The following KRT86 variants were observed in gnomAD, a reference collection of about 807,000 sequenced individuals.
KRT86 encodes the protein keratin, type II cuticular Hb6.
Under a neutral mutation model 41.2 loss-of-function variants are expected in KRT86, and 30 were observed. That is an observed-to-expected ratio of 0.73 (90% CI 0.54 to 0.99). KRT86 has a LOEUF of 0.99. Ranked by LOEUF, KRT86 falls within the 50% of genes least tolerant of loss-of-function variation. The pLI is 0.00. For synonymous variants in KRT86, 238 were observed against 238.1 expected (o/e 1.00, Z 0.00); for missense variants, 561 against 571.4 (o/e 0.98, Z 0.19).
chr12:52,297,321 G>C (rs1763674830), intron 2 of KRT86, among the ~76,000 whole-genome samples: 1 of 152,156 alleles, frequency 6.6e-6, no homozygotes, highest in Non-Finnish European at 1.5e-5. Context: ...CATGAATTTG[G>C]ATATGCTCTA....
At position 52,288,011 on chromosome 12, in the gene KRT86, G is replaced by C. The variant is rs200239075; in HGVS notation, c.-5+12065G>C. On this transcript the variant is annotated intron_variant, in intron 2 of 10. Transcript: ENST00000423955. The stretch of plus-strand genomic sequence containing the variant: ...TGCTGCGGTACCAGGACTCGGCCTC[G>C]GCCCGGCTGCGGGTGACAATGTCGT... 128 of 1,614,204 alleles carry C rather than the reference G, an allele frequency of 7.9e-5. 2 individuals carry two copies. In the Admixed American group the frequency reaches 2.0e-3, roughly 26 times the overall value.
chr12:52,305,561 T>C (rs1592439450), intron 7 of KRT86, 102 bp from the exon 8 acceptor site: 19 of 1,605,226 alleles, frequency 1.2e-5, no homozygotes, highest in East Asian at 2.2e-5. Flanking sequence ...CCATGTGTGG[T>C]TGCACAGGCT....
rs1246387181 is a variant in KRT86, at chr12:52,305,023, A to T, written c.731A>T (p.Glu244Val). The change falls in exon 6 of 11, where the codon GAG becomes GTG. Residue 244 changes from glutamate to valine, a missense_variant. Glu to Val is a moderately radical substitution (Grantham distance 121, BLOSUM62 -2). This residue lies in a region of KRT86 where 397 missense variants were observed against 375.9 expected (regional missense o/e 1.06). Transcript: ENST00000423955. The part of the protein sequence containing the change: ...QEIDFLRRLY[E>V]EEIRVLQSHI... ...ATCGACTTCCTGAGGCGGCTGTATG[A>T]GGAGGTGCGGGCTCAGGGGCCAGGC... is the stretch of plus-strand genomic sequence containing the variant. The T allele has an allele frequency of 2.5e-6, 4 of 1,613,906 alleles. No homozygotes were observed. In the South Asian group the frequency reaches 4.4e-5, roughly 18 times the overall value.
At position 52,306,210 on chromosome 12, in the gene KRT86, AT is replaced by A. The variant is rs1938514191; in HGVS notation, c.1178del (p.Met393ArgfsTer32). On this transcript the variant is annotated frameshift_variant, in exon 9 of 11. Coordinates refer to ENST00000423955, the MANE Select transcript of KRT86 (RefSeq NM_001320198.2). LOFTEE classifies it high-confidence loss of function. ...CCTGATCAGGGAGTACCAGGAGGTG[AT>A]GAACTCCAAGCTGGGCCTGGACATC... ...ACLIREYQEV[M>X]NSKLGLDIEI... is the part of the protein sequence containing the mutation. 3 of 1,613,618 alleles carry A rather than the reference AT, an allele frequency of 1.9e-6. No homozygotes were observed. Among genetic ancestry groups the A allele is most frequent in the African/African-American group, 1.3e-5 (1 of 74,892 alleles).
At chr12:52,300,344 T>C (rs1468938228) in intron 2 of KRT86, among the ~76,000 whole-genome samples, 2 of 152,214 alleles carry the variant, frequency 1.3e-5, no homozygotes, top group Admixed American at 1.3e-4. Context: ...AAAATTCTGG[T>C]TGGTTCAATT....
intron 7 of KRT86, 33 bp downstream of exon 7, chr12:52,305,437 T>G (rs1249802808): frequency 3.7e-6 from 6 of 1,613,990 alleles, no homozygotes; most frequent in Non-Finnish European, 5.1e-6. Flanking sequence ...CTGCTAGACA[T>G]GGCAGTGGGA....
At chr12:52,280,932 C>T (rs546377458) in intron 2 of KRT86, among the ~76,000 whole-genome samples, 12 of 152,334 alleles carry the variant, frequency 7.9e-5, no homozygotes, top group Admixed American at 2.6e-4. Flanking sequence ...CTGCGTCACT[C>T]AGGACTGTTG....
chr12:52,283,458 C>T (rs867373917), intron 2 of KRT86, among the ~76,000 whole-genome samples: 1 of 144,254 alleles, frequency 6.9e-6, no homozygotes. Flanking sequence ...TTAGTAGCCA[C>T]CTAATCCAAG....
In KRT86 at chr12:52,304,983, GC is replaced by G; in HGVS notation, c.694del (p.Leu232Ter). The G allele has an allele frequency of 6.2e-7, 1 of 1,614,120 alleles. No individual in the cohort carries two copies. The highest frequency in any genetic ancestry group is 8.5e-7 in the Non-Finnish European group (1 of 1,180,004). On this transcript the variant is annotated frameshift_variant, in exon 6 of 11. Transcript: ENST00000423955. LOFTEE classifies it high-confidence loss of function. Reference protein sequence around the residue: ...RKSDLEANVEALIQEIDFLRR... With the variant: ...RKSDLEANVEXLIQEIDFLRR... ...ATCAGACCTGGAGGCCAATGTGGAG[GC>G]CCTGATCCAGGAGATCGACTTCCTG...
At position 52,308,593 on chromosome 12, in the gene KRT86, C is replaced by A; in HGVS notation, c.*8C>A. Reference sequence around the variant, plus strand: ...AGCTGTAAGAGGTGCTAGGAGGCTGCCGCCTCCGCCAGCGCCTGTCGCCGT... The same window carrying A: ...AGCTGTAAGAGGTGCTAGGAGGCTGACGCCTCCGCCAGCGCCTGTCGCCGT... On this transcript the variant is annotated 3_prime_UTR_variant, in exon 11 of 11. Coordinates refer to ENST00000423955, the MANE Select transcript of KRT86 (RefSeq NM_001320198.2). 1 of 1,593,988 alleles carries A rather than the reference C, an allele frequency of 6.3e-7. No individual in the cohort carries two copies. The highest frequency in any genetic ancestry group is 1.1e-5 in the South Asian group (1 of 90,858).
At chr12:52,284,984 G>A (rs1937879233) in intron 2 of KRT86, among the ~76,000 whole-genome samples, 1 of 152,216 alleles carries the variant, frequency 6.6e-6, no homozygotes, top group Admixed American at 6.5e-5. Context: ...GGCCATAAGA[G>A]GCCCTGATCC....
chr12:52,277,841 A>G (rs1937667673), intron 2 of KRT86: 1 of 152,314 alleles, frequency 6.6e-6, no homozygotes, highest in South Asian at 2.1e-4. Context: ...TGACCTAGGT[A>G]TCCAGGAACT....
rs938011746 is a variant in KRT86, at chr12:52,308,782, G to T, written c.*197G>T. 6.7e-6 allele frequency: 4 copies of T among 598,408 alleles called. No individual in the cohort carries two copies. Among genetic ancestry groups the T allele is most frequent in the Middle Eastern group, 4.4e-4 (1 of 2,262 alleles). 37.1% of individuals were successfully genotyped at this position (598,408 alleles called of 1,614,324 possible). A position where few individuals can be genotyped will look rare whatever the true frequency, so the allele number is the denominator to read the frequency against. On this transcript the variant is annotated 3_prime_UTR_variant, in exon 11 of 11. Coordinates refer to ENST00000423955, the MANE Select transcript of KRT86 (RefSeq NM_001320198.2). ...CCGGGGAGGGCCGGGAGGCGCCATGGTCTCTCTCTGTAGCCTTTCCTGGTA... is the reference window on the plus strand; with the variant it reads ...CCGGGGAGGGCCGGGAGGCGCCATGTTCTCTCTCTGTAGCCTTTCCTGGTA...
At chr12:52,288,183 A>T in intron 2 of KRT86, 1 of 1,607,184 alleles carries the variant, frequency 6.2e-7, no homozygotes, top group Non-Finnish European at 8.5e-7. Context: ...TTAGTTGAGA[A>T]TACAGCCCCA....
chr12:52,298,763 T>C (rs1017784036), intron 2 of KRT86, among the ~76,000 whole-genome samples: 1 of 152,278 alleles, frequency 6.6e-6, no homozygotes, highest in African/African-American at 2.4e-5. Flanking sequence ...TGTGCTTAAC[T>C]AATATGCCAT....
At chr12:52,286,565 C>T (rs961600842) in intron 2 of KRT86, 94 of 1,443,912 alleles carry the variant, frequency 6.5e-5, no homozygotes, top group Non-Finnish European at 8.4e-5. Flanking sequence ...CCGCCCCTGC[C>T]CAAGACCTGA....
At chr12:52,276,320 A>G (rs536265352) in intron 2 of KRT86, among the ~76,000 whole-genome samples, 1 of 152,342 alleles carries the variant, frequency 6.6e-6, no homozygotes, top group African/African-American at 2.4e-5. Context: ...TCTGGGTTCT[A>G]TTTCAAAATG....
At chr12:52,307,422 G>A (rs1381147710) in intron 9 of KRT86, among the ~76,000 whole-genome samples, 3 of 152,214 alleles carry the variant, frequency 2.0e-5, no homozygotes, top group East Asian at 3.8e-4. Flanking sequence ...AGGGAACCTG[G>A]GCATGGAATG....
At chr12:52,283,194 G>T (rs993304211) in intron 2 of KRT86, among the ~76,000 whole-genome samples, 3 of 151,706 alleles carry the variant, frequency 2.0e-5, no homozygotes, top group African/African-American at 7.3e-5. Context: ...AGGAGTTTGA[G>T]ACCAGCCTGG....
Sources: gnomAD v4.1 joint callset for allele counts (sites outside exome capture counted in the v4.1 genomes callset) on GRCh38, gnomAD v4.1.1 for gene constraint, gnomAD v4.1.1 regional missense constraint, MANE v1.5 for transcripts, NCBI Gene and HGNC (gene_info 2026-07-23, HGNC 2026-07-21) for gene names.